Variants in TENM1 observed in about 807,000 individuals in gnomAD.
TENM1 encodes the protein teneurin-1.
TENM1 carries 35 observed loss-of-function variants against 174.8 expected under a neutral mutation model. That is an observed-to-expected ratio of 0.20 (90% confidence interval 0.15 to 0.27). The LOEUF (loss-of-function observed/expected upper bound fraction) is 0.27. Ranked by LOEUF, TENM1 falls within the 10% of genes least tolerant of loss-of-function variation. TENM1 has a pLI of 1.00. For missense variants in TENM1, 1,633 were observed against 2,130.1 expected, an observed-to-expected ratio of 0.77 and a Z score of 4.59; for synonymous variants, 781 against 798.7, an observed-to-expected ratio of 0.98 and a Z score of 0.37.
intron 22 of TENM1, among the ~76,000 whole-genome samples, chrX:124,475,777 C>T (rs905527548): frequency 1.8e-5 from 2 of 111,120 alleles, no homozygotes; most frequent in African/African-American, 6.6e-5. Context: ...ATTTATTTGC[C>T]CCAGTTTTGC....
chrX:124,964,828 A>G (rs1428791918), upstream of TENM1, among the ~76,000 whole-genome samples: 1 of 112,294 alleles, frequency 8.9e-6, no homozygotes, highest in Non-Finnish European at 1.9e-5. Flanking sequence ...GTTAGAAACC[A>G]ATTAACTTTA....
At chrX:125,095,980 A>T in the TENM1 span, among the ~76,000 whole-genome samples, 108 of 112,027 alleles carry the variant, frequency 9.6e-4, 2 homozygotes, top group African/African-American at 3.4e-3. Context: ...CTTCTGAAAA[A>T]TTTTTTACTA....
Position 124,794,645 on chromosome X carries a change from T to G in TENM1, c.536-57448A>C, listed in dbSNP as rs373253599. Among the ~76,000 whole-genome samples the G allele has an allele frequency of 9.9e-5, 11 of 111,155 alleles. No homozygotes were observed. In the East Asian group the frequency reaches 2.6e-3, roughly 26 times the overall value. ...CTATTTACTGTACAATAGTCAGCCC[T>G]AGAATAAACTTTAAAAAAACAAAAC... On this transcript the variant is annotated intron_variant, in intron 3 of 31. Transcript: ENST00000422452.
chrX:124,789,394 C>A (rs2055123608), intron 3 of TENM1, among the ~76,000 whole-genome samples: 1 of 111,772 alleles, frequency 8.9e-6, no homozygotes, highest in Admixed American at 9.5e-5. Context: ...ATGCAAATTT[C>A]TGCAGCCAGC....
the TENM1 span, among the ~76,000 whole-genome samples, chrX:125,139,332 C>T: frequency 2.7e-5 from 3 of 110,801 alleles, no homozygotes; most frequent in Admixed American, 1.9e-4. Context: ...AGTCATCATC[C>T]GTGAAGTATA....
At chrX:124,583,098 G>A in intron 11 of TENM1, among the ~76,000 whole-genome samples, 1 of 112,044 alleles carries the variant, frequency 8.9e-6, no homozygotes, top group African/African-American at 3.2e-5. Context: ...CTCCACCTCT[G>A]GGGGCAGGGC....
chrX:124,535,779 T>C (rs377710561), intron 15 of TENM1, among the ~76,000 whole-genome samples: 6 of 112,359 alleles, frequency 5.3e-5, no homozygotes, highest in Admixed American at 2.8e-4. Context: ...GACAGGTTCA[T>C]AGAATTTCAA....
At chrX:124,551,553 CAT>C (rs1351238783) in intron 14 of TENM1, among the ~76,000 whole-genome samples, 8 of 109,906 alleles carry the variant, frequency 7.3e-5, no homozygotes, top group South Asian at 3.9e-4. Flanking sequence ...CACACACACA[CAT>C]ACACACACAC....
intron 11 of TENM1, among the ~76,000 whole-genome samples, chrX:124,603,323 A>T (rs2213414): frequency 0.23 from 25,966 of 110,944 alleles, 2,302 homozygotes; most frequent in South Asian, 0.43. Flanking sequence ...TCATGATGCA[A>T]TTTAAACATG....
At chrX:124,682,447 A>T (rs1380344050) in intron 5 of TENM1, among the ~76,000 whole-genome samples, 1 of 111,381 alleles carries the variant, frequency 9.0e-6, no homozygotes, top group Non-Finnish European at 1.9e-5. Flanking sequence ...CAAGTATGCA[A>T]TCCTGGGTGA....
At chrX:124,606,078 C>G (rs2050149017) in intron 11 of TENM1, among the ~76,000 whole-genome samples, 1 of 111,153 alleles carries the variant, frequency 9.0e-6, no homozygotes, top group Admixed American at 9.6e-5. Flanking sequence ...TAACCTAAAC[C>G]TGGTGTATTT....
intron 23 of TENM1, among the ~76,000 whole-genome samples, chrX:124,444,135 A>G (rs2060940340): frequency 8.9e-6 from 1 of 112,027 alleles, no homozygotes. Context: ...CTACCTATCC[A>G]TCAATTTTAT....
chrX:125,007,417 C>T, the TENM1 span, among the ~76,000 whole-genome samples: 1 of 110,679 alleles, frequency 9.0e-6, no homozygotes, highest in Non-Finnish European at 1.9e-5. Flanking sequence ...ATTGGAGTAT[C>T]TGAAACAGAC....
At chrX:124,692,165 T>C (rs2052540281) in intron 5 of TENM1, among the ~76,000 whole-genome samples, 1 of 111,786 alleles carries the variant, frequency 8.9e-6, no homozygotes, top group Admixed American at 9.5e-5. Flanking sequence ...TCAGGGTGTT[T>C]AAGTTCAATA....
chrX:124,697,924 T>C (rs1437699772), intron 5 of TENM1, among the ~76,000 whole-genome samples: 2 of 111,539 alleles, frequency 1.8e-5, no homozygotes, highest in African/African-American at 6.5e-5. Context: ...CCTGAGAGAA[T>C]TACAGTAAAA....
At chrX:124,814,000 T>C (rs774174644) in intron 3 of TENM1, among the ~76,000 whole-genome samples, 9 of 111,853 alleles carry the variant, frequency 8.0e-5, no homozygotes, top group Non-Finnish European at 1.1e-4. Context: ...ACAGAATTAG[T>C]ATAGTGTCAT....
intron 1 of TENM1, among the ~76,000 whole-genome samples, chrX:124,947,410 C>T (rs761285825): frequency 4.5e-5 from 5 of 111,896 alleles, no homozygotes; most frequent in Middle Eastern, 4.7e-3. Context: ...ACTTAGTGTC[C>T]AGTAGACATA....
chrX:125,059,379 T>C, the TENM1 span, among the ~76,000 whole-genome samples: 1 of 111,806 alleles, frequency 8.9e-6, no homozygotes, highest in Non-Finnish European at 1.9e-5. Context: ...ATACCGATAG[T>C]AAAAAAGTTA....
chrX:124,597,555 G>A (rs1046399643), intron 11 of TENM1, among the ~76,000 whole-genome samples: 4 of 110,546 alleles, frequency 3.6e-5, no homozygotes, highest in Non-Finnish European at 7.6e-5. Flanking sequence ...ATGGAAGATG[G>A]GTGATAAAAG....
Sources: allele counts gnomAD v4.1 joint callset (sites outside exome capture counted in the v4.1 genomes callset), GRCh38; gene constraint gnomAD v4.1.1; transcripts MANE v1.5; gene names NCBI Gene and HGNC (gene_info 2026-07-23, HGNC 2026-07-21).